The following ATM variants were observed in gnomAD, a reference collection of about 807,000 sequenced individuals.
ATM encodes the protein serine-protein kinase ATM.
ATM carries 308 observed loss-of-function variants against 387.0 expected under a neutral mutation model. The ratio of observed to expected loss-of-function variants is 0.80; its 90% CI spans 0.73 to 0.87. The LOEUF (loss-of-function observed/expected upper bound fraction) is 0.87, where lower values mean the gene tolerates loss of function less well. Ranked by LOEUF, ATM falls within the 40% of genes least tolerant of loss-of-function variation. The pLI is 0.00. For missense variants in ATM, 3,312 were observed against 3,560.9 expected, an observed-to-expected ratio of 0.93 and a Z score of 1.78; for synonymous variants, 1,156 against 1,187.3, an observed-to-expected ratio of 0.97 and a Z score of 0.54.
chr11:108,227,342 A>G, intron 1 of ATM: 1 of 381,602 alleles, frequency 2.6e-6, no homozygotes, highest in Non-Finnish European at 4.8e-6. Flanking sequence ...TCCTGCTACT[A>G]CTGCAAGCAA....
intron 16 of ATM, among the ~76,000 whole-genome samples, chr11:108,262,755 C>G (rs1192758014): frequency 5.4e-5 from 8 of 149,296 alleles, no homozygotes; most frequent in Non-Finnish European, 1.2e-4. Flanking sequence ...CGTGCAGAGA[C>G]ACACATAGGC....
rs56163526 is a variant in ATM, at chr11:108,293,519, ATAG to A, written c.4776+48_4776+50del. 6 of 1,512,462 alleles carry A rather than the reference ATAG, an allele frequency of 4.0e-6. No homozygotes were observed. In the African/African-American group the frequency reaches 6.9e-5, roughly 17 times the overall value. 93.7% of individuals were successfully genotyped at this position (1,512,462 alleles called of 1,614,324 possible). The stretch of plus-strand genomic sequence containing the variant: ...CATCTACTATTTTTTATTAGAGAAC[ATAG>A]TAGTACTTTTCAAAAATCTGTAATG... On this transcript the variant is annotated intron_variant, in intron 31 of 62. Transcript: ENST00000675843.
At chr11:108,329,287 G>GT (rs1491177880) in intron 49 of ATM, 49 bp downstream of exon 49, 1 of 1,504,644 alleles carries the variant, frequency 6.6e-7, no homozygotes, top group East Asian at 2.4e-5. Flanking sequence ...AGTTAACTGA[G>GT]TGAGTGTTTT....
At chr11:108,314,413 AG>A (rs1418298780) in intron 40 of ATM, among the ~76,000 whole-genome samples, 6 of 151,574 alleles carry the variant, frequency 4.0e-5, no homozygotes, top group African/African-American at 1.5e-4. Context: ...GCCCATGTAC[AG>A]TTTTAGGTGT....
intron 1 of ATM, chr11:108,224,192 T>C (rs1439696754): frequency 6.6e-6 from 1 of 152,222 alleles, no homozygotes; most frequent in Non-Finnish European, 1.5e-5. Context: ...TTTGAAGAGA[T>C]TAGTGAACTT....
At chr11:108,304,590 A>T in intron 36 of ATM, 85 bp from the exon 37 acceptor site, 1 of 1,301,368 alleles carries the variant, frequency 7.7e-7, no homozygotes, top group Non-Finnish European at 1.1e-6. Context: ...TAATATGTCA[A>T]CGGGGCATGA....
intron 6 of ATM, 140 bp from the exon 7 acceptor site, chr11:108,244,648 G>T (rs2079741526): frequency 2.7e-6 from 2 of 748,228 alleles, no homozygotes; most frequent in Non-Finnish European, 4.6e-6. Context: ...TTTTTTTAAT[G>T]AATAGTTTTG....
At chr11:108,301,012 T>G (rs547099680) in intron 34 of ATM, among the ~76,000 whole-genome samples, 1 of 151,560 alleles carries the variant, frequency 6.6e-6, no homozygotes, top group South Asian at 2.1e-4. Flanking sequence ...TCCTCCTGCC[T>G]CAGCCTCCTA....
intron 23 of ATM, among the ~76,000 whole-genome samples, chr11:108,280,695 TGAGTAAAGTAAAA>T (rs2082184269): frequency 6.6e-6 from 1 of 152,216 alleles, no homozygotes; most frequent in African/African-American, 2.4e-5. Flanking sequence ...GGTTTGGTTC[TGAGTAAAGTAAAA>T]GATTTTTAGC....
Position 108,257,524 on chromosome 11 carries a change from AT to A in ATM, c.2295del (p.Asn765LysfsTer12), listed in dbSNP as rs876658583. On this transcript the variant is annotated frameshift_variant, in exon 15 of 63. Transcript: ENST00000675843. LOFTEE classifies it high-confidence loss of function. Reference protein sequence around the residue: ...CAGESITLFKNKTNEEFRIGS... With the variant: ...CAGESITLFKXKTNEEFRIGS... ...GGAGAAAGTATCACTCTGTTTAAAAATAAGACAAATGAGGAATTCAGAATTG... is the reference window on the plus strand; with the variant it reads ...GGAGAAAGTATCACTCTGTTTAAAAAAAGACAAATGAGGAATTCAGAATTG... 1 of 1,614,024 alleles carries A rather than the reference AT, an allele frequency of 6.2e-7. No homozygotes were observed. Among genetic ancestry groups the A allele is most frequent in the Non-Finnish European group, 8.5e-7 (1 of 1,180,000 alleles).
Position 108,284,238 on chromosome 11 carries a change from A to G in ATM, c.3758A>G (p.Lys1253Arg). Residue 1253 changes from lysine to arginine, a missense_variant, in exon 26 of 63, where the codon AAG (lysine) becomes AGG (arginine). Around this residue, in one of 4 missense-constraint regions of ATM, gnomAD observed 1,791 missense variants for 1,804.5 expected, o/e 0.99. Coordinates refer to ENST00000675843, the MANE Select transcript of ATM (RefSeq NM_000051.4). The part of the protein sequence containing the change: ...NIEDFYRSCY[K>R]VLIPHLVIRS... ...TTTTCTATTTTTAGATCTTGTTATAAGGTTTTGATTCCACATCTGGTGATT... is the reference window on the plus strand; with the variant it reads ...TTTTCTATTTTTAGATCTTGTTATAGGGTTTTGATTCCACATCTGGTGATT... 2 of 1,608,574 alleles carry G rather than the reference A, an allele frequency of 1.2e-6. No homozygotes were observed. Among genetic ancestry groups the G allele is most frequent in the Non-Finnish European group, 1.7e-6 (2 of 1,175,666 alleles).
chr11:108,270,475 C>G (rs1372314837), intron 18 of ATM, among the ~76,000 whole-genome samples: 1 of 152,102 alleles, frequency 6.6e-6, no homozygotes, highest in African/African-American at 2.4e-5. Flanking sequence ...TCACAGTTAT[C>G]TGGCCAGGTA....
intron 22 of ATM, among the ~76,000 whole-genome samples, chr11:108,273,428 A>G (rs186282712): frequency 3.4e-4 from 44 of 127,818 alleles, no homozygotes; most frequent in African/African-American, 1.3e-3. Context: ...TTCAGCCTCT[A>G]CCTCCTCGGT....
intron 15 of ATM, among the ~76,000 whole-genome samples, chr11:108,258,699 G>T (rs1591550121): frequency 6.6e-6 from 1 of 152,120 alleles, no homozygotes; most frequent in East Asian, 1.9e-4. Context: ...CCTCCTTTTT[G>T]GTGTAAGTGG....
intron 22 of ATM, among the ~76,000 whole-genome samples, chr11:108,276,226 TC>T (rs1284422346): frequency 6.6e-6 from 1 of 152,240 alleles, no homozygotes; most frequent in East Asian, 1.9e-4. Flanking sequence ...TTTATGTTCT[TC>T]TCTACACTGA....
chr11:108,243,813 T>A, intron 5 of ATM, 140 bp from the exon 6 acceptor site: 1 of 786,108 alleles, frequency 1.3e-6, no homozygotes, highest in Non-Finnish European at 2.0e-6. Flanking sequence ...TGGAGTACTT[T>A]TACTATGTTA....
intron 23 of ATM, among the ~76,000 whole-genome samples, chr11:108,279,859 ATAAATGGCTCCCTTT>A (rs1410807579): frequency 3.9e-5 from 6 of 152,184 alleles, no homozygotes; most frequent in Non-Finnish European, 7.4e-5. Context: ...TTATGGGAGT[ATAAATGGCTCCCTTT>A]TTTATTTTAA....
At chr11:108,256,691 T>C (rs2080514188) in intron 14 of ATM, among the ~76,000 whole-genome samples, 1 of 151,994 alleles carries the variant, frequency 6.6e-6, no homozygotes, top group South Asian at 2.1e-4. Flanking sequence ...TGTCAGGCCC[T>C]GGTGTATAAT....
chr11:108,333,642 G>A (rs953365407), intron 53 of ATM, among the ~76,000 whole-genome samples: 2 of 152,128 alleles, frequency 1.3e-5, no homozygotes, highest in Non-Finnish European at 2.9e-5. Flanking sequence ...GGTTCCTCAG[G>A]TGGAATCTGG....
Sources: allele counts gnomAD v4.1 joint callset (sites outside exome capture counted in the v4.1 genomes callset), GRCh38; gene constraint gnomAD v4.1.1; regional missense constraint gnomAD v4.1.1; transcripts MANE v1.5; gene names NCBI Gene and HGNC (gene_info 2026-07-23, HGNC 2026-07-21).